CNTN5: variants seen among roughly 807,000 people sequenced by gnomAD.
The protein encoded by CNTN5 is contactin-5.
In CNTN5, 77 loss-of-function variants were observed where a neutral mutation model predicts 129.1. The ratio of observed to expected loss-of-function variants is 0.60; its 90% confidence interval spans 0.50 to 0.72. CNTN5 has a LOEUF of 0.72. Ranked by LOEUF, CNTN5 falls within the 30% of genes least tolerant of loss-of-function variation. The probability of loss-of-function intolerance (pLI) is 0.00; values close to 1 mark genes in which losing one functional copy is unlikely to be tolerated. For missense variants in CNTN5, 1,478 were observed against 1,328.8 expected (o/e 1.11, Z -1.75); for synonymous variants, 509 against 465.6 (o/e 1.09, Z -1.20).
intron 2 of CNTN5, among the ~76,000 whole-genome samples, chr11:99,480,228 C>A (rs917313375): frequency 2.0e-5 from 3 of 152,084 alleles, no homozygotes; most frequent in African/African-American, 7.2e-5. Context: ...TTGTTCTCTC[C>A]TTTTATTATC....
At chr11:99,022,708 G>A (rs898005174) in intron 1 of CNTN5, among the ~76,000 whole-genome samples, 1 of 152,068 alleles carries the variant, frequency 6.6e-6, no homozygotes, top group Admixed American at 6.6e-5. Flanking sequence ...CAGAGTTAAA[G>A]TTATAAAAAG....
At chr11:99,973,640 G>A (rs192210468) in intron 8 of CNTN5, among the ~76,000 whole-genome samples, 64 of 151,790 alleles carry the variant, frequency 4.2e-4, no homozygotes, top group African/African-American at 1.5e-3. Flanking sequence ...TAATTCTCAC[G>A]TTTTGTCTCA....
chr11:99,553,809 AAGAG>A (rs562044298), intron 2 of CNTN5, among the ~76,000 whole-genome samples: 6 of 152,022 alleles, frequency 3.9e-5, no homozygotes, highest in Admixed American at 6.6e-5. Flanking sequence ...AAGGGAGAAA[AAGAG>A]AGAGAGAATA....
chr11:100,284,767 C>G (rs562542407), intron 18 of CNTN5, among the ~76,000 whole-genome samples: 3 of 152,230 alleles, frequency 2.0e-5, no homozygotes, highest in African/African-American at 7.2e-5. Context: ...ATCTTCAAAG[C>G]TACTGGTATA....
intron 3 of CNTN5, among the ~76,000 whole-genome samples, chr11:99,726,298 G>A (rs1383588716): frequency 7.2e-5 from 11 of 152,282 alleles, no homozygotes; most frequent in Non-Finnish European, 1.0e-4. Flanking sequence ...GTGTGCCAGA[G>A]TAAAAAGCAA....
chr11:99,593,015 T>C (rs981872428), intron 3 of CNTN5, among the ~76,000 whole-genome samples: 1 of 152,174 alleles, frequency 6.6e-6, no homozygotes, highest in Non-Finnish European at 1.5e-5. Flanking sequence ...ACTCATAGAA[T>C]ATGACAACAT....
At chr11:99,207,679 A>G (rs1472048039) in intron 1 of CNTN5, among the ~76,000 whole-genome samples, 1 of 152,210 alleles carries the variant, frequency 6.6e-6, no homozygotes, top group Non-Finnish European at 1.5e-5. Context: ...AAAACATCAA[A>G]AAATAATTTT....
intron 2 of CNTN5, among the ~76,000 whole-genome samples, chr11:99,422,516 TTTTA>T (rs1424593677): frequency 0.079 from 7,888 of 99,872 alleles, 349 homozygotes; most frequent in African/African-American, 0.11. Context: ...TACTTTATAT[TTTTA>T]TATATATATA....
At chr11:99,379,193 T>TC (rs397819050) in intron 2 of CNTN5, among the ~76,000 whole-genome samples, 1 of 150,208 alleles carries the variant, frequency 6.7e-6, no homozygotes, top group Admixed American at 6.6e-5. Flanking sequence ...TTTTTTTTTT[T>TC]ACTGTTGTAT....
intron 2 of CNTN5, among the ~76,000 whole-genome samples, chr11:99,432,150 C>T (rs1275405130): frequency 6.6e-6 from 1 of 152,166 alleles, no homozygotes; most frequent in Non-Finnish European, 1.5e-5. Context: ...TAATATATCC[C>T]TTTTGTGATA....
At chr11:99,898,954 TATA>T (rs1336124469) in intron 6 of CNTN5, among the ~76,000 whole-genome samples, 7 of 152,144 alleles carry the variant, frequency 4.6e-5, no homozygotes, top group African/African-American at 1.7e-4. Context: ...CTCTATTAAG[TATA>T]ATATTTGTTT....
intron 13 of CNTN5, among the ~76,000 whole-genome samples, chr11:100,155,589 G>T (rs923963600): frequency 6.6e-6 from 1 of 152,060 alleles, no homozygotes; most frequent in Non-Finnish European, 1.5e-5. Flanking sequence ...GGATAGCAAT[G>T]AATCTATAAA....
intron 1 of CNTN5, among the ~76,000 whole-genome samples, chr11:99,267,153 A>T (rs1273305174): frequency 1.3e-5 from 2 of 152,054 alleles, no homozygotes; most frequent in Non-Finnish European, 2.9e-5. Flanking sequence ...CTAGACAAGG[A>T]TAGAAATAAT....
At chr11:100,339,367 G>A (rs1952109363) in intron 21 of CNTN5, among the ~76,000 whole-genome samples, 1 of 152,112 alleles carries the variant, frequency 6.6e-6, no homozygotes, top group Non-Finnish European at 1.5e-5. Context: ...GAAGGGAGCT[G>A]GAAAGGGGAT....
At chr11:99,322,255 C>A (rs7124190) in intron 1 of CNTN5, among the ~76,000 whole-genome samples, 7,611 of 152,206 alleles carry the variant, frequency 0.05, 619 homozygotes, top group African/African-American at 0.17. Flanking sequence ...CACTTGATCA[C>A]CACACTGCTT....
At chr11:99,678,339 AAT>A (rs149205666) in intron 3 of CNTN5, among the ~76,000 whole-genome samples, 7,436 of 151,832 alleles carry the variant, frequency 0.049, 606 homozygotes, top group African/African-American at 0.17. Context: ...TATATACTCT[AAT>A]ATATATATAT....
At chr11:100,102,749 T>G (rs188473750) in intron 13 of CNTN5, among the ~76,000 whole-genome samples, 1 of 152,264 alleles carries the variant, frequency 6.6e-6, no homozygotes, top group Admixed American at 6.5e-5. Context: ...TATAAAAACC[T>G]CAGGACTGTA....
intron 8 of CNTN5, among the ~76,000 whole-genome samples, chr11:99,989,186 C>T (rs1037734819): frequency 6.6e-6 from 1 of 152,064 alleles, no homozygotes; most frequent in African/African-American, 2.4e-5. Context: ...GCAAGAGTCC[C>T]ATAGAAGTAT....
chr11:99,853,379 T>C (rs931549530), intron 6 of CNTN5, among the ~76,000 whole-genome samples: 1 of 151,092 alleles, frequency 6.6e-6, no homozygotes, highest in African/African-American at 2.4e-5. Flanking sequence ...ATGTAATATA[T>C]ATACGTATAT....
Sources: allele counts gnomAD v4.1 joint callset (sites outside exome capture counted in the v4.1 genomes callset), GRCh38; gene constraint gnomAD v4.1.1; transcripts MANE v1.5; gene names NCBI Gene and HGNC (gene_info 2026-07-23, HGNC 2026-07-21).